The following EYS variants were observed in gnomAD, a reference collection of about 807,000 sequenced individuals.
The protein encoded by EYS is EGF-like photoreceptor maintenance factor, also known as protein eyes shut homolog.
A neutral mutation model predicts 282.1 loss-of-function variants in EYS; 250 were observed. The ratio of observed to expected loss-of-function variants is 0.89; its 90% CI spans 0.80 to 0.98. The LOEUF (loss-of-function observed/expected upper bound fraction) is 0.98. EYS is among the 50% of genes least tolerant of loss of function. The pLI is 0.00. For missense variants in EYS, 4,016 were observed against 3,709.0 expected (o/e 1.08, Z -2.15); for synonymous variants, 1,355 against 1,282.9 (o/e 1.06, Z -1.20).
chr6:64,229,717 ACACATC>A (rs1171994673), intron 31 of EYS, among the ~76,000 whole-genome samples: 2 of 152,144 alleles, frequency 1.3e-5, no homozygotes, highest in Non-Finnish European at 2.9e-5. Context: ...ACACATGCAC[ACACATC>A]CACATCCACA....
At chr6:64,249,063 CAAAAAAA>C (rs34663169) in intron 30 of EYS, among the ~76,000 whole-genome samples, 1 of 70,060 alleles carries the variant, frequency 1.4e-5, no homozygotes, top group Non-Finnish European at 2.5e-5. Flanking sequence ...CACCCTGTCT[CAAAAAAA>C]AAAAAAAAAA....
chr6:65,035,683 A>T (rs895254013), intron 13 of EYS, among the ~76,000 whole-genome samples: 1 of 151,802 alleles, frequency 6.6e-6, no homozygotes, highest in Non-Finnish European at 1.5e-5. Flanking sequence ...ATCAGAAATG[A>T]CACACACAAA....
At chr6:63,915,373 G>GA (rs1423371551) in intron 35 of EYS, among the ~76,000 whole-genome samples, 2 of 152,152 alleles carry the variant, frequency 1.3e-5, no homozygotes, top group East Asian at 1.9e-4. Flanking sequence ...CTACTGCTCA[G>GA]AAAAAAGATT....
chr6:64,211,297 C>T (rs1336180340), intron 31 of EYS, among the ~76,000 whole-genome samples: 12 of 152,080 alleles, frequency 7.9e-5, no homozygotes, highest in Non-Finnish European at 1.6e-4. Context: ...AGAGATACAA[C>T]AACAAATGGA....
At chr6:64,967,967 C>G (rs1383742652) in intron 14 of EYS, among the ~76,000 whole-genome samples, 2 of 151,966 alleles carry the variant, frequency 1.3e-5, no homozygotes, top group African/African-American at 4.8e-5. Context: ...CTTTGTAGTC[C>G]CAAAGCCTAG....
intron 1 of EYS, among the ~76,000 whole-genome samples, chr6:65,656,233 C>T (rs1415680889): frequency 6.6e-6 from 1 of 151,856 alleles, no homozygotes; most frequent in Non-Finnish European, 1.5e-5. Context: ...CAATTAGAAA[C>T]TCTACAATAG....
At chr6:65,297,960 A>G (rs1768712603) in intron 11 of EYS, among the ~76,000 whole-genome samples, 1 of 152,028 alleles carries the variant, frequency 6.6e-6, no homozygotes, top group Non-Finnish European at 1.5e-5. Flanking sequence ...ACGGGGCCCT[A>G]TGTATAATGC....
chr6:63,939,604 G>A (rs1022124835), intron 35 of EYS, among the ~76,000 whole-genome samples: 1 of 151,476 alleles, frequency 6.6e-6, no homozygotes, highest in Non-Finnish European at 1.5e-5. Context: ...TAACTACATG[G>A]GTTCACTTAT....
rs568915429 is a variant in EYS at position 65,443,231 on chromosome 6, T to C, written c.863-37864A>G. Among the ~76,000 whole-genome samples the C allele has an allele frequency of 5.3e-5, 8 of 151,682 alleles. 2 individuals are homozygous for C. In the South Asian group the frequency reaches 8.3e-4, roughly 16 times the overall value. On this transcript the variant is annotated intron_variant, in intron 5 of 42. Transcript: ENST00000503581. Reference sequence around the variant, plus strand: ...TGTATGCATCATATACACATGTATGTGAACATATAGACATATGTGTATACA... The same window carrying C: ...TGTATGCATCATATACACATGTATGCGAACATATAGACATATGTGTATACA...
intron 12 of EYS, among the ~76,000 whole-genome samples, chr6:65,116,445 G>T (rs1775376278): frequency 6.6e-6 from 1 of 152,060 alleles, no homozygotes; most frequent in African/African-American, 2.4e-5. Context: ...GGGGATACAA[G>T]TGCTATAAGT....
chr6:64,161,696 A>G (rs1328274464), intron 31 of EYS, among the ~76,000 whole-genome samples: 1 of 152,172 alleles, frequency 6.6e-6, no homozygotes, highest in Non-Finnish European at 1.5e-5. Flanking sequence ...TATTTAAAGA[A>G]TGTTTCATTA....
At chr6:64,150,003 C>T (rs1774648894) in intron 31 of EYS, among the ~76,000 whole-genome samples, 1 of 152,178 alleles carries the variant, frequency 6.6e-6, no homozygotes, top group African/African-American at 2.4e-5. Flanking sequence ...ATGTTATAGT[C>T]ACCATTACTG....
rs1342367480 is a variant in EYS, at chr6:64,638,116, G to A, written c.3444-11871C>T. Among the ~76,000 whole-genome samples the A allele has an allele frequency of 1.0e-4, 9 of 90,396 alleles. 4 individuals carry two copies. Among genetic ancestry groups the A allele is most frequent in the African/African-American group, 3.8e-4 (9 of 23,744 alleles). 59.3% of individuals were successfully genotyped at this position (90,396 alleles called of 152,430 possible). ...ACTGACAGTTCAAAAATGTATAGGA[G>A]TGCATTCTGAGAATACAACTATATG... On this transcript the variant is annotated intron_variant, in intron 22 of 42. Coordinates refer to ENST00000503581, the MANE Select transcript of EYS (RefSeq NM_001142800.2).
chr6:63,728,960 G>C (rs2149633713), intron 41 of EYS, among the ~76,000 whole-genome samples: 1 of 152,252 alleles, frequency 6.6e-6, no homozygotes, highest in South Asian at 2.1e-4. Flanking sequence ...TAATGAATGA[G>C]AGTTCCTATT....
At chr6:64,488,609 T>C (rs1220816959) in intron 26 of EYS, among the ~76,000 whole-genome samples, 1 of 150,942 alleles carries the variant, frequency 6.6e-6, no homozygotes, top group African/African-American at 2.4e-5. Flanking sequence ...TTCTCATGTA[T>C]AAATAACTTT....
At chr6:65,517,652 A>C (rs1381829512) in intron 2 of EYS, among the ~76,000 whole-genome samples, 1 of 152,096 alleles carries the variant, frequency 6.6e-6, no homozygotes, top group Non-Finnish European at 1.5e-5. Flanking sequence ...AAAATAACTT[A>C]AATAAAATTT....
chr6:64,267,285 G>C (rs192005160), intron 30 of EYS, among the ~76,000 whole-genome samples: 29 of 152,196 alleles, frequency 1.9e-4, no homozygotes, highest in Middle Eastern at 3.4e-3. Context: ...GTGTCATAAA[G>C]AAAAGTAGTT....
intron 26 of EYS, among the ~76,000 whole-genome samples, chr6:64,553,845 A>G (rs1437634313): frequency 6.6e-6 from 1 of 152,058 alleles, no homozygotes; most frequent in African/African-American, 2.4e-5. Flanking sequence ...AAATAGTATC[A>G]TTTTCATATT....
In EYS at chr6:64,802,017, C is replaced by CTTT. The variant is rs1157712956; in HGVS notation, c.3443+11358_3443+11360dup. Among the ~76,000 whole-genome samples the CTTT allele has an allele frequency of 5.8e-3, 334 of 57,596 alleles. 18 individuals are homozygous for CTTT. The highest frequency in any genetic ancestry group is 0.012 in the East Asian group (23 of 1,940). 37.8% of individuals were successfully genotyped at this position (57,596 alleles called of 152,430 possible). A position where few individuals can be genotyped will look rare whatever the true frequency, so the allele number is the denominator to read the frequency against. The stretch of plus-strand genomic sequence containing the variant: ...GTTATAAGAGAGTTATAACAAATTT[C>CTTT]TTTTTCTTTTTTTTTCTTTTTTTTT... On this transcript the variant is annotated intron_variant, in intron 22 of 42. Transcript: ENST00000503581.
Sources: allele counts gnomAD v4.1 joint callset (sites outside exome capture counted in the v4.1 genomes callset), GRCh38; gene constraint gnomAD v4.1.1; transcripts MANE v1.5; gene names NCBI Gene and HGNC (gene_info 2026-07-23, HGNC 2026-07-21).